The following GAS7 variants were observed in gnomAD, a reference collection of about 807,000 sequenced individuals.
GAS7 encodes growth arrest specific 7.
A neutral mutation model predicts 71.1 loss-of-function variants in GAS7; 28 were observed. That is an observed-to-expected ratio of 0.39 (90% CI 0.29 to 0.54). The LOEUF is 0.54. Ranked by LOEUF, GAS7 falls within the 20% of genes least tolerant of loss-of-function variation. The probability of loss-of-function intolerance (pLI) is 0.62; values close to 1 mark genes in which losing one functional copy is unlikely to be tolerated. For missense variants in GAS7, 436 were observed against 627.8 expected (o/e 0.69, Z 3.27); for synonymous variants, 258 against 245.8 (o/e 1.05, Z -0.46).
intron 1 of GAS7, among the ~76,000 whole-genome samples, chr17:10,095,646 C>G (rs1300947234): frequency 6.6e-6 from 1 of 151,870 alleles, no homozygotes; most frequent in Non-Finnish European, 1.5e-5. Flanking sequence ...ATGGTGAAAC[C>G]CTGTCTCTTC....
intron 1 of GAS7, among the ~76,000 whole-genome samples, chr17:10,186,971 G>A (rs1388319193): frequency 6.6e-6 from 1 of 152,188 alleles, no homozygotes; most frequent in Non-Finnish European, 1.5e-5. Flanking sequence ...ATAAAATGCT[G>A]AAACTGAAAC....
chr17:9,965,903 T>G (rs1346689311), intron 4 of GAS7, among the ~76,000 whole-genome samples: 2 of 151,936 alleles, frequency 1.3e-5, no homozygotes, highest in Non-Finnish European at 2.9e-5. Flanking sequence ...GCACCCACTA[T>G]CAGTCCTCCC....
intron 1 of GAS7, among the ~76,000 whole-genome samples, chr17:10,100,993 G>A (rs1349237516): frequency 1.3e-5 from 2 of 152,150 alleles, no homozygotes; most frequent in African/African-American, 2.4e-5. Context: ...ATTTGGCCAC[G>A]TGCAGTGGCT....
intron 1 of GAS7, among the ~76,000 whole-genome samples, chr17:10,132,890 G>A (rs1372185595): frequency 6.6e-6 from 1 of 151,840 alleles, no homozygotes; most frequent in Non-Finnish European, 1.5e-5. Flanking sequence ...CTGACTCACA[G>A]GCTTAGCAGC....
At chr17:10,071,286 CA>C (rs2073337389) in intron 1 of GAS7, among the ~76,000 whole-genome samples, 1 of 152,140 alleles carries the variant, frequency 6.6e-6, no homozygotes, top group East Asian at 1.9e-4. Context: ...GAAATGGAAC[CA>C]AAAATATCAC....
intron 11 of GAS7, among the ~76,000 whole-genome samples, chr17:9,925,273 C>T (rs1025377607): frequency 1.3e-5 from 2 of 152,172 alleles, no homozygotes; most frequent in Non-Finnish European, 2.9e-5. Context: ...TTCCTCTGAC[C>T]CCCAAAGTCT....
chr17:9,984,037 T>C (rs1005419953), intron 2 of GAS7, among the ~76,000 whole-genome samples: 1 of 152,178 alleles, frequency 6.6e-6, no homozygotes, highest in Admixed American at 6.5e-5. Flanking sequence ...ACTGTACCAA[T>C]ACCAAAGGCC....
chr17:10,028,140 T>G (rs1294713113), intron 1 of GAS7, among the ~76,000 whole-genome samples: 1 of 152,214 alleles, frequency 6.6e-6, no homozygotes, highest in Non-Finnish European at 1.5e-5. Context: ...CTTGACCTCA[T>G]GATCCACCCA....
chr17:10,044,874 G>A (rs2072926112), intron 1 of GAS7, among the ~76,000 whole-genome samples: 2 of 151,964 alleles, frequency 1.3e-5, no homozygotes, highest in Admixed American at 6.6e-5. Context: ...CTAACATGGT[G>A]AAACTCCATC....
Position 10,039,620 on chromosome 17 carries a change from T to C in GAS7, c.184-19723A>G, listed in dbSNP as rs191914313. On this transcript the variant is annotated intron_variant, in intron 1 of 13. Transcript: ENST00000432992. ...ATTACTTGAACCCGGGAGGCAGAGG[T>C]TGTAGTGAGCCAAGATCATGCCACT... The C allele has an allele frequency of 9.1e-4, 344 of 376,652 alleles. 1 individual carries two copies. The highest frequency in any genetic ancestry group is 6.9e-3 in the African/African-American group (323 of 46,692). 23.3% of individuals were successfully genotyped at this position (376,652 alleles called of 1,614,324 possible).
intron 7 of GAS7, among the ~76,000 whole-genome samples, chr17:9,941,098 G>C (rs2068586166): frequency 6.6e-6 from 1 of 152,192 alleles, no homozygotes; most frequent in Non-Finnish European, 1.5e-5. Flanking sequence ...ATGGAGAGAG[G>C]GCGGCTGACA....
intron 1 of GAS7, among the ~76,000 whole-genome samples, chr17:10,029,835 G>C (rs142862090): frequency 3.2e-3 from 479 of 151,830 alleles, no homozygotes; most frequent in Admixed American, 4.5e-3. Flanking sequence ...CTGGGTGACA[G>C]AGCGAGACTC....
At chr17:10,168,308 T>C (rs1439497073) in intron 1 of GAS7, among the ~76,000 whole-genome samples, 1 of 152,012 alleles carries the variant, frequency 6.6e-6, no homozygotes, top group Non-Finnish European at 1.5e-5. Context: ...TAAGAAATAA[T>C]AGCTTGGTTT....
intron 1 of GAS7, among the ~76,000 whole-genome samples, chr17:10,145,795 C>T (rs2074116826): frequency 6.6e-6 from 1 of 152,180 alleles, no homozygotes; most frequent in African/African-American, 2.4e-5. Flanking sequence ...TAAGACCCCC[C>T]CAGAAATGAG....
chr17:9,978,294 T>C (rs1347568428), intron 3 of GAS7, among the ~76,000 whole-genome samples: 1 of 150,200 alleles, frequency 6.7e-6, no homozygotes, highest in Non-Finnish European at 1.5e-5. Flanking sequence ...AGTTTATGAA[T>C]GGGGAAAATG....
chr17:10,128,899 A>G (rs1225142296), intron 1 of GAS7, among the ~76,000 whole-genome samples: 1 of 152,170 alleles, frequency 6.6e-6, no homozygotes. Context: ...CTGGGATTAC[A>G]GGCGTGAGTC....
Position 10,078,750 on chromosome 17 carries a change from A to C in GAS7, c.184-58853T>G, listed in dbSNP as rs531480568. 3.3e-5 allele frequency among the ~76,000 whole-genome samples: 5 copies of C among 152,318 alleles called. No homozygotes were observed. The East Asian group carries it at 9.6e-4, about 29-fold the overall frequency. On this transcript the variant is annotated intron_variant, in intron 1 of 13. Transcript: ENST00000432992. ...TAGGGGGATATACAACAGTATAAAC[A>C]TATCATTTAGAAAAAGGGCCAGGTG...
chr17:10,043,182 C>T (rs1316012749), intron 1 of GAS7, among the ~76,000 whole-genome samples: 1 of 152,128 alleles, frequency 6.6e-6, no homozygotes, highest in Non-Finnish European at 1.5e-5. Context: ...GGCCCAATCC[C>T]TCCCTCTCCT....
Position 9,917,287 on chromosome 17 carries a change from C to G in GAS7, c.1372G>C (p.Glu458Gln), listed in dbSNP as rs1308607944. 1 of 1,614,160 alleles carries G rather than the reference C, an allele frequency of 6.2e-7. No homozygotes were observed. Among genetic ancestry groups the G allele is most frequent in the South Asian group, 1.1e-5 (1 of 91,092 alleles). The change falls in exon 14 of 14, where the codon GAG becomes CAG. Residue 458 changes from glutamate (E) to glutamine (Q), a missense_variant. Glu to Gln is a conservative substitution (Grantham distance 29). Coordinates refer to ENST00000432992, the MANE Select transcript of GAS7 (RefSeq NM_201433.2). ...GTCTTGTGCTCTCTGACCCACAGCTCCCTGTCTTTGGCCGGGTCCACTTTT... is the reference window on the plus strand; with the variant it reads ...GTCTTGTGCTCTCTGACCCACAGCTGCCTGTCTTTGGCCGGGTCCACTTTT... ...LRKVDPAKDR[E>Q]LWVREHKTGN...
Sources: allele counts gnomAD v4.1 joint callset (sites outside exome capture counted in the v4.1 genomes callset), GRCh38; gene constraint gnomAD v4.1.1; transcripts MANE v1.5; gene names NCBI Gene and HGNC (gene_info 2026-07-23, HGNC 2026-07-21).